Variants in GOLGA5 observed in about 807,000 individuals in gnomAD.
GOLGA5 encodes golgin subfamily A member 5.
Under a neutral mutation model 93.5 loss-of-function variants are expected in GOLGA5, and 50 were observed. The ratio of observed to expected loss-of-function variants is 0.53; its 90% CI spans 0.43 to 0.68. The LOEUF (loss-of-function observed/expected upper bound fraction) is 0.68, where lower values mean the gene tolerates loss of function less well. GOLGA5 is among the 30% of genes least tolerant of loss of function. GOLGA5 has a pLI of 0.00. For missense variants in GOLGA5, 760 were observed against 856.4 expected, an observed-to-expected ratio of 0.89 and a Z score of 1.40; for synonymous variants, 312 against 304.5, an observed-to-expected ratio of 1.02 and a Z score of -0.26.
At chr14:92,824,682 C>T in intron 9 of GOLGA5, 38 bp downstream of exon 9, 1 of 1,011,324 alleles carries the variant, frequency 9.9e-7, no homozygotes, top group Non-Finnish European at 1.5e-6. Flanking sequence ...AAAGATGCCA[C>T]TGATAAAGCT....
At chr14:92,804,302 G>A (rs1884935693) in intron 2 of GOLGA5, among the ~76,000 whole-genome samples, 1 of 151,950 alleles carries the variant, frequency 6.6e-6, no homozygotes, top group Non-Finnish European at 1.5e-5. Context: ...CTGGACTCAG[G>A]CAGTCCTTTC....
At chr14:92,834,184 C>CTTTTTTTTTTTTTTTTTTTTTTTTTTTTT (rs35449807) in intron 10 of GOLGA5, among the ~76,000 whole-genome samples, 2 of 135,064 alleles carry the variant, frequency 1.5e-5, no homozygotes, top group African/African-American at 2.6e-5. Flanking sequence ...TAGGTTTCAC[C>CTTTTTTTTTTTTTTTTTTTTTTTTTTTTT]TTTTTTTTTT....
intron 10 of GOLGA5, among the ~76,000 whole-genome samples, chr14:92,835,135 G>T (rs1442677089): frequency 2.6e-5 from 4 of 152,146 alleles, no homozygotes; most frequent in Non-Finnish European, 5.9e-5. Context: ...GTGCCCGTTA[G>T]ATATCTGGAT....
Position 92,811,737 on chromosome 14 carries a change from G to C in GOLGA5, c.1303G>C (p.Ala435Pro). Residue 435 changes from alanine (A) to proline (P), a missense_variant, in exon 6 of 13, where the codon GCT becomes CCT. Coordinates refer to ENST00000163416, the MANE Select transcript of GOLGA5 (RefSeq NM_005113.4). ...GGAATTAATTGACTACAAGCAAAAA[G>C]CTACTAGAATACTGCAAGTAAGCAT... ...KQELIDYKQK[A>P]TRILQSKEKL... 6.2e-7 allele frequency: 1 copy of C among 1,610,292 alleles called. No individual in the cohort carries two copies. The highest frequency in any genetic ancestry group is 1.1e-5 in the South Asian group (1 of 90,852).
At chr14:92,828,073 G>A (rs1885457904) in intron 9 of GOLGA5, among the ~76,000 whole-genome samples, 1 of 152,236 alleles carries the variant, frequency 6.6e-6, no homozygotes, top group Non-Finnish European at 1.5e-5. Context: ...AGTTATCTGG[G>A]AGATCTAGCT....
At chr14:92,815,239 T>C (rs888656069) in intron 6 of GOLGA5, among the ~76,000 whole-genome samples, 2 of 152,200 alleles carry the variant, frequency 1.3e-5, no homozygotes, top group Non-Finnish European at 2.9e-5. Context: ...TGCTCTCTGT[T>C]TTTCTCTGCA....
chr14:92,810,068 G>A (rs910728692), intron 4 of GOLGA5, among the ~76,000 whole-genome samples, 186 bp from the exon 5 acceptor site: 1 of 152,216 alleles, frequency 6.6e-6, no homozygotes, highest in African/African-American at 2.4e-5. Flanking sequence ...TATACGGTAT[G>A]TACTTAATAT....
rs138658557 is a variant in GOLGA5, at chr14:92,833,325, G to T, written c.1923G>T (p.Met641Ile). ...GTAGTAATGGGTCTTCGATTAATAT[G>T]TCTGGAATTGACAATGGTGAAGGTA... ...GSSSNGSSIN[M>I]SGIDNGEGTR... The change falls in exon 10 of 13, where the codon ATG (methionine) becomes ATT (isoleucine). Residue 641 changes from methionine (M) to isoleucine (I), a missense_variant. Met to Ile is a conservative substitution (Grantham distance 10). Coordinates refer to ENST00000163416, the MANE Select transcript of GOLGA5 (RefSeq NM_005113.4). The T allele has an allele frequency of 4.0e-5, 64 of 1,605,218 alleles. No individual in the cohort carries two copies. The highest frequency in any genetic ancestry group is 4.6e-5 in the Non-Finnish European group (54 of 1,172,018).
At chr14:92,830,581 A>G (rs552518954) in intron 9 of GOLGA5, among the ~76,000 whole-genome samples, 1 of 151,858 alleles carries the variant, frequency 6.6e-6, no homozygotes, top group Admixed American at 6.5e-5. Flanking sequence ...ACTACAGTAT[A>G]TTGTAAATAC....
chr14:92,798,130 G>C, intron 2 of GOLGA5, 149 bp downstream of exon 2: 1 of 630,138 alleles, frequency 1.6e-6, no homozygotes, highest in East Asian at 2.7e-5. Flanking sequence ...GTAAACAAGG[G>C]AGACATCATT....
chr14:92,834,788 T>G (rs757586664), intron 10 of GOLGA5, among the ~76,000 whole-genome samples: 1 of 152,186 alleles, frequency 6.6e-6, no homozygotes, highest in Non-Finnish European at 1.5e-5. Context: ...CTGACTGCCA[T>G]GTCAAGAATA....
chr14:92,838,188 T>G (rs981787364), intron 12 of GOLGA5, among the ~76,000 whole-genome samples: 2 of 152,188 alleles, frequency 1.3e-5, no homozygotes, highest in African/African-American at 2.4e-5. Flanking sequence ...TACGGTAGTT[T>G]GGGATGCCAT....
At chr14:92,823,218 T>C (rs771311707) in intron 8 of GOLGA5, among the ~76,000 whole-genome samples, 4 of 152,102 alleles carry the variant, frequency 2.6e-5, no homozygotes, top group Admixed American at 6.5e-5. Context: ...TTAAATAGTT[T>C]ATTGATTTGA....
chr14:92,815,143 C>T (rs929931255), intron 6 of GOLGA5, among the ~76,000 whole-genome samples: 1 of 152,138 alleles, frequency 6.6e-6, no homozygotes, highest in Non-Finnish European at 1.5e-5. Flanking sequence ...ATCAGGAGCC[C>T]CTCCAAATTG....
rs77664013 is a variant in GOLGA5 at position 92,839,944 on chromosome 14, T to C, written c.*498T>C. Reference sequence around the variant, plus strand: ...TAAATACATAAATAAAAGAAAAATATGCATTTTTCTTTTCTAAAATAATGG... The same window carrying C: ...TAAATACATAAATAAAAGAAAAATACGCATTTTTCTTTTCTAAAATAATGG... On this transcript the variant is annotated 3_prime_UTR_variant, in exon 13 of 13. Coordinates refer to ENST00000163416, the MANE Select transcript of GOLGA5 (RefSeq NM_005113.4). 1.9e-4 allele frequency: 31 copies of C among 166,654 alleles called. No homozygotes were observed. The East Asian group carries it at 3.8e-3, about 20-fold the overall frequency. The allele number at this position is 166,654 out of a possible 1,614,324, so 10.3% of individuals were successfully genotyped here.
chr14:92,802,444 A>G (rs905087660), intron 2 of GOLGA5, among the ~76,000 whole-genome samples: 2 of 152,104 alleles, frequency 1.3e-5, no homozygotes, highest in African/African-American at 4.8e-5. Context: ...GTATAATGAC[A>G]GTTTGTTTCT....
intron 9 of GOLGA5, among the ~76,000 whole-genome samples, chr14:92,825,466 AAAG>A (rs1263095308): frequency 2.0e-5 from 3 of 152,218 alleles, no homozygotes; most frequent in Non-Finnish European, 2.9e-5. Context: ...CAGAAAGTCA[AAAG>A]AAGGAGCAAA....
chr14:92,795,486 AAAC>A, intron 1 of GOLGA5, among the ~76,000 whole-genome samples: 1 of 152,148 alleles, frequency 6.6e-6, no homozygotes, highest in Admixed American at 6.5e-5. Context: ...GGATCTTTCT[AAAC>A]CCTTTCCACA....
At chr14:92,821,523 ATTATC>A (rs1350443056) in intron 8 of GOLGA5, among the ~76,000 whole-genome samples, 1 of 152,164 alleles carries the variant, frequency 6.6e-6, no homozygotes, top group African/African-American at 2.4e-5. Flanking sequence ...TTTAGTACAT[ATTATC>A]TTATTTCCTA....
Sources: allele counts gnomAD v4.1 joint callset (sites outside exome capture counted in the v4.1 genomes callset), GRCh38; gene constraint gnomAD v4.1.1; transcripts MANE v1.5; gene names NCBI Gene and HGNC (gene_info 2026-07-23, HGNC 2026-07-21).